MACROD2: variants seen among roughly 807,000 people sequenced by gnomAD.
MACROD2 encodes the protein ADP-ribose glycohydrolase MACROD2.
MACROD2 carries 36 observed loss-of-function variants against 70.4 expected under a neutral mutation model. That is an observed-to-expected ratio of 0.51 (90% CI 0.39 to 0.68). MACROD2 has a LOEUF of 0.68. MACROD2 is among the 30% of genes least tolerant of loss of function. The pLI is 0.00. For missense variants in MACROD2, 496 were observed against 538.4 expected, an observed-to-expected ratio of 0.92 and a Z score of 0.78; for synonymous variants, 172 against 178.8, an observed-to-expected ratio of 0.96 and a Z score of 0.30.
At chr20:15,335,353 T>C (rs1281975610) in intron 6 of MACROD2, among the ~76,000 whole-genome samples, 2 of 151,746 alleles carry the variant, frequency 1.3e-5, no homozygotes, top group South Asian at 4.1e-4. Flanking sequence ...ACTAGGTCAT[T>C]CCAAGGTTTT....
intron 6 of MACROD2, among the ~76,000 whole-genome samples, chr20:15,280,349 G>T (rs1568689010): frequency 6.6e-6 from 1 of 152,118 alleles, no homozygotes; most frequent in Non-Finnish European, 1.5e-5. Context: ...AAGATTAAAT[G>T]TTGGGGTAAT....
intron 13 of MACROD2, among the ~76,000 whole-genome samples, chr20:15,971,503 C>T (rs1195248249): frequency 6.6e-6 from 1 of 152,120 alleles, no homozygotes; most frequent in Non-Finnish European, 1.5e-5. Context: ...ATGAGGCCTC[C>T]CTAGCCATGT....
chr20:14,166,160 TA>T (rs1335821797), intron 3 of MACROD2, among the ~76,000 whole-genome samples: 11 of 152,286 alleles, frequency 7.2e-5, no homozygotes, highest in Non-Finnish European at 1.5e-4. Flanking sequence ...ATCTTTTGTA[TA>T]AAAAAAGTTT....
At chr20:15,598,197 A>G (rs1413504604) in intron 8 of MACROD2, among the ~76,000 whole-genome samples, 3 of 152,222 alleles carry the variant, frequency 2.0e-5, no homozygotes, top group Non-Finnish European at 4.4e-5. Flanking sequence ...CAAAACAAAC[A>G]TGTTTGAAGT....
chr20:14,950,381 T>C (rs1368204385), intron 5 of MACROD2, among the ~76,000 whole-genome samples: 4 of 152,044 alleles, frequency 2.6e-5, no homozygotes, highest in African/African-American at 9.7e-5. Flanking sequence ...CTTGCCTGGG[T>C]CTAAGGGAAT....
intron 8 of MACROD2, among the ~76,000 whole-genome samples, chr20:15,590,147 G>C (rs1222289992): frequency 6.6e-6 from 1 of 152,138 alleles, no homozygotes; most frequent in Non-Finnish European, 1.5e-5. Flanking sequence ...GAAAGGTGTG[G>C]AAATTTGTGT....
intron 3 of MACROD2, among the ~76,000 whole-genome samples, chr20:14,119,582 C>T (rs1436342140): frequency 6.6e-6 from 1 of 152,164 alleles, no homozygotes; most frequent in Non-Finnish European, 1.5e-5. Flanking sequence ...AGAATTGTTA[C>T]TATTATGGAT....
chr20:14,248,767 G>C (rs1384350974), intron 3 of MACROD2, among the ~76,000 whole-genome samples: 1 of 151,752 alleles, frequency 6.6e-6, no homozygotes, highest in East Asian at 1.9e-4. Flanking sequence ...AAACACTTTT[G>C]GTCCCATGCA....
intron 5 of MACROD2, among the ~76,000 whole-genome samples, chr20:14,760,069 G>A (rs1301922286): frequency 6.6e-6 from 1 of 152,028 alleles, no homozygotes; most frequent in Non-Finnish European, 1.5e-5. Flanking sequence ...TTTCTGAGGT[G>A]GCTCTAAATG....
At chr20:14,158,791 A>G (rs1428861974) in intron 3 of MACROD2, among the ~76,000 whole-genome samples, 2 of 152,186 alleles carry the variant, frequency 1.3e-5, no homozygotes, top group African/African-American at 2.4e-5. Flanking sequence ...TACCAATACC[A>G]TGCTGTTTTG....
chr20:14,302,317 C>G (rs2082481692), intron 3 of MACROD2, among the ~76,000 whole-genome samples: 1 of 152,206 alleles, frequency 6.6e-6, no homozygotes, highest in Non-Finnish European at 1.5e-5. Context: ...TCATGCAGCC[C>G]TCTCCATCTT....
At chr20:16,003,078 C>CACACACACA (rs2066734238) in intron 15 of MACROD2, among the ~76,000 whole-genome samples, 3 of 129,916 alleles carry the variant, frequency 2.3e-5, no homozygotes, top group Admixed American at 2.3e-4. Context: ...ACCCACCCAC[C>CACACACACA]CACCCACACA....
At chr20:15,851,242 G>A (rs2064294771) in intron 8 of MACROD2, among the ~76,000 whole-genome samples, 1 of 151,574 alleles carries the variant, frequency 6.6e-6, no homozygotes, top group African/African-American at 2.4e-5. Context: ...CTGTGATCCG[G>A]TCACAGCAAA....
At chr20:14,445,995 T>G (rs1166953065) in intron 3 of MACROD2, among the ~76,000 whole-genome samples, 1 of 152,068 alleles carries the variant, frequency 6.6e-6, no homozygotes, top group Non-Finnish European at 1.5e-5. Context: ...GACATGTTTG[T>G]GACTATACAT....
intron 6 of MACROD2, among the ~76,000 whole-genome samples, chr20:15,357,675 A>G (rs1258906394): frequency 1.3e-5 from 2 of 152,186 alleles, no homozygotes; most frequent in African/African-American, 4.8e-5. Context: ...AATGTAATAC[A>G]TACAACACTT....
intron 3 of MACROD2, among the ~76,000 whole-genome samples, chr20:14,463,224 G>T (rs1224565662): frequency 6.6e-6 from 1 of 151,970 alleles, no homozygotes; most frequent in Non-Finnish European, 1.5e-5. Flanking sequence ...GCAGTGGTTT[G>T]TAGTTCTCCT....
intron 8 of MACROD2, among the ~76,000 whole-genome samples, chr20:15,649,105 C>CCCCTTCCCTCCCATCCCCTCCCTT (rs2049601116): frequency 9.5e-6 from 1 of 105,774 alleles, no homozygotes; most frequent in Non-Finnish European, 1.9e-5. Context: ...CCCCTCCCCT[C>CCCCTTCCCTCCCATCCCCTCCCTT]CCCTTCCCTC....
chr20:14,900,181 T>C (rs1231607229), intron 5 of MACROD2, among the ~76,000 whole-genome samples: 1 of 152,120 alleles, frequency 6.6e-6, no homozygotes, highest in Non-Finnish European at 1.5e-5. Flanking sequence ...ATGATTATAA[T>C]TCTTTTTAAA....
At chr20:14,414,411 A>T (rs757167040) in intron 3 of MACROD2, among the ~76,000 whole-genome samples, 3 of 152,058 alleles carry the variant, frequency 2.0e-5, no homozygotes, top group Admixed American at 6.6e-5. Context: ...GAACCTGAAT[A>T]CTTCTGCCTG....
Sources: gnomAD v4.1 joint callset for allele counts (sites outside exome capture counted in the v4.1 genomes callset) on GRCh38, gnomAD v4.1.1 for gene constraint, MANE v1.5 for transcripts, NCBI Gene and HGNC (gene_info 2026-07-23, HGNC 2026-07-21) for gene names.